CNDP1: variants seen among roughly 807,000 people sequenced by gnomAD.
CNDP1 encodes beta-Ala-His dipeptidase.
A neutral mutation model predicts 58.1 loss-of-function variants in CNDP1; 44 were observed. That is an observed-to-expected ratio of 0.76 (90% CI 0.60 to 0.97). CNDP1 has a LOEUF of 0.97. Among genes scored for constraint, CNDP1 ranks in the 50% least tolerant of loss-of-function variants. The pLI is 0.00. For synonymous variants in CNDP1, 254 were observed against 252.6 expected (o/e 1.01, Z -0.05); for missense variants, 616 against 655.1 (o/e 0.94, Z 0.65).
At chr18:74,584,176 C>T in intron 11 of CNDP1, 1 of 376,868 alleles carries the variant, frequency 2.7e-6, no homozygotes, top group Non-Finnish European at 4.9e-6. Flanking sequence ...CTGGCAGATA[C>T]TACAAGATCT....
intron 1 of CNDP1, among the ~76,000 whole-genome samples, chr18:74,548,488 G>A (rs1980819276): frequency 6.6e-6 from 1 of 152,144 alleles, no homozygotes; most frequent in African/African-American, 2.4e-5. Flanking sequence ...ACAGCCTTCA[G>A]AACCATGAGC....
At chr18:74,577,993 C>A in intron 8 of CNDP1, 170 bp from the exon 9 acceptor site, 1 of 574,326 alleles carries the variant, frequency 1.7e-6, no homozygotes, top group Non-Finnish European at 3.1e-6. Flanking sequence ...CTGAGGACAG[C>A]AGAGAGTTTG....
intron 1 of CNDP1, among the ~76,000 whole-genome samples, chr18:74,548,181 G>A (rs1290910723): frequency 1.3e-5 from 2 of 152,228 alleles, no homozygotes; most frequent in African/African-American, 4.8e-5. Context: ...AATGGGTGAT[G>A]AGAGTTTGGA....
At chr18:74,579,619 G>A (rs1210991201) in intron 9 of CNDP1, among the ~76,000 whole-genome samples, 3 of 152,174 alleles carry the variant, frequency 2.0e-5, no homozygotes, top group Non-Finnish European at 4.4e-5. Context: ...AAAAGAGCAG[G>A]AGGGGAGAGA....
Position 74,536,542 on chromosome 18 carries a change from T to C in CNDP1, c.24+1851T>C, listed in dbSNP as rs140058212. On this transcript the variant is annotated intron_variant, in intron 1 of 11. Transcript: ENST00000358821. ...CACATTTTCTTTACCCAGTCTGTCA[T>C]TGATGGACATTTAGGTTGATTCCAT... Among the ~76,000 whole-genome samples the C allele has an allele frequency of 4.2e-3, 647 of 152,352 alleles. 4 individuals carry two copies. Among genetic ancestry groups the C allele is most frequent in the African/African-American group, 0.015 (621 of 41,576 alleles).
chr18:74,542,291 A>G (rs1327567820), intron 1 of CNDP1, among the ~76,000 whole-genome samples: 1 of 152,214 alleles, frequency 6.6e-6, no homozygotes, highest in East Asian at 1.9e-4. Context: ...CAATTCCTGG[A>G]GGTTGAGGTT....
chr18:74,540,256 C>A (rs1980585406), intron 1 of CNDP1, among the ~76,000 whole-genome samples: 1 of 151,068 alleles, frequency 6.6e-6, no homozygotes, highest in African/African-American at 2.4e-5. Flanking sequence ...TTCCTGGGTT[C>A]AAGCGATTCT....
At chr18:74,561,217 C>A (rs977983262) in intron 4 of CNDP1, among the ~76,000 whole-genome samples, 199 bp downstream of exon 4, 1 of 152,042 alleles carries the variant, frequency 6.6e-6, no homozygotes, top group African/African-American at 2.4e-5. Context: ...GAGTTCAAGA[C>A]CAGCCTGGCC....
chr18:74,583,609 T>C lies in CNDP1; in HGVS notation c.1358T>C (p.Ile453Thr), dbSNP rs770440498. The change falls in exon 11 of 12, where the codon ATT (isoleucine) becomes ACT (threonine). Residue 453 changes from isoleucine (I) to threonine (T), a missense_variant. Transcript: ENST00000358821. ...DMIRDGSTIP[I>T]AKMFQEIVHK... ...ATCCGGGATGGATCCACCATTCCAA[T>C]TGCCAAAATGTTCCAGGAGATCGTC... The C allele has an allele frequency of 1.9e-6, 3 of 1,614,166 alleles. No individual in the cohort carries two copies. Among genetic ancestry groups the C allele is most frequent in the Admixed American group, 3.3e-5 (2 of 60,012 alleles).
chr18:74,586,692 C>T lies in CNDP1; in HGVS notation c.*2130C>T, dbSNP rs910001271. ...CCCTGGATTGCCAGAGTTCAGAGTC[C>T]ATGTTTTTCTGTCACCCAGGGTCAC... is the stretch of plus-strand genomic sequence containing the variant. On this transcript the variant is annotated 3_prime_UTR_variant, in exon 12 of 12. Coordinates refer to ENST00000358821, the MANE Select transcript of CNDP1 (RefSeq NM_032649.6). 3 of 152,074 alleles carry T rather than the reference C, an allele frequency of 2.0e-5. No homozygotes were observed. Among genetic ancestry groups the T allele is most frequent in the African/African-American group, 7.2e-5 (3 of 41,388 alleles). 9.4% of individuals were successfully genotyped at this position (152,074 alleles called of 1,614,324 possible). A position where few individuals can be genotyped will look rare whatever the true frequency, so the allele number is the denominator to read the frequency against.
rs555905988 is a variant in CNDP1 at position 74,583,802 on chromosome 18, A to G, written c.1457+94A>G. On this transcript the variant is annotated intron_variant, in intron 11 of 11. Coordinates refer to ENST00000358821, the MANE Select transcript of CNDP1 (RefSeq NM_032649.6). ...GGTGAGCTCCTGTTCAATTTATGTGAGAATGGAAAATCGTCCAGACTGGGA... is the reference window on the plus strand; with the variant it reads ...GGTGAGCTCCTGTTCAATTTATGTGGGAATGGAAAATCGTCCAGACTGGGA... 44 of 1,252,218 alleles carry G rather than the reference A, an allele frequency of 3.5e-5. No homozygotes were observed. The South Asian group carries it at 5.6e-4, about 16-fold the overall frequency. The allele number at this position is 1,252,218 out of a possible 1,614,324, so 77.6% of individuals were successfully genotyped here.
chr18:74,567,421 C>T lies in CNDP1; in HGVS notation c.744C>T (p.Tyr248=), dbSNP rs768702340. ...CTTACGGAACCCGGGGGAACAGCTA[C>T]TTCATGGTGGAGGTATCCACAGAGA... ...AITYGTRGNS[Y]FMVEVKCRDQ... is the part of the protein sequence containing the mutation. Residue 248 remains tyrosine, a synonymous_variant, in exon 6 of 12, where the codon TAC becomes TAT. Transcript: ENST00000358821. 3.1e-6 allele frequency: 5 copies of T among 1,613,810 alleles called. No individual in the cohort carries two copies. The Admixed American group carries it at 6.7e-5, about 22-fold the overall frequency.
At chr18:74,577,282 GT>G in intron 8 of CNDP1, 2 of 304,942 alleles carry the variant, frequency 6.6e-6, no homozygotes, top group Non-Finnish European at 1.2e-5. Context: ...TCCCAGCCAT[GT>G]TTTCCAAAGC....
chr18:74,582,354 C>CA (rs746275044), intron 10 of CNDP1, among the ~76,000 whole-genome samples: 22 of 152,302 alleles, frequency 1.4e-4, no homozygotes, highest in Admixed American at 3.9e-4. Flanking sequence ...TCACTGGCAG[C>CA]ATGTCCGGTA....
intron 1 of CNDP1, among the ~76,000 whole-genome samples, chr18:74,538,327 T>C (rs1980534133): frequency 6.6e-6 from 1 of 152,230 alleles, no homozygotes; most frequent in South Asian, 2.1e-4. Context: ...TAATGTAATG[T>C]TTTCAAGGTC....
chr18:74,561,875 A>G (rs1981208320), intron 4 of CNDP1, 172 bp from the exon 5 acceptor site: 2 of 563,466 alleles, frequency 3.5e-6, no homozygotes, highest in Non-Finnish European at 6.4e-6. Context: ...TCTTATGTAC[A>G]GTCTTATTTG....
chr18:74,578,332 C>G lies in CNDP1; in HGVS notation c.1167+5C>G, dbSNP rs771212101. 1.9e-6 allele frequency: 3 copies of G among 1,599,042 alleles called. No homozygotes were observed. The African/African-American group carries it at 4.0e-5, about 22-fold the overall frequency. ...GTGTCTGCGGTGGAAAAACAGGTAA[C>G]AAATGCTTATTGTGACAATAACATG... is the stretch of plus-strand genomic sequence containing the variant. On this transcript the variant is annotated splice_donor_5th_base_variant and intron_variant, in intron 9 of 11. Transcript: ENST00000358821.
intron 2 of CNDP1, among the ~76,000 whole-genome samples, chr18:74,558,023 A>G (rs1002323333): frequency 6.6e-6 from 1 of 152,222 alleles, no homozygotes; most frequent in African/African-American, 2.4e-5. Context: ...AATCCACTGA[A>G]CTTATGGAGA....
At chr18:74,561,077 G>C in intron 4 of CNDP1, 59 bp downstream of exon 4, 1 of 1,577,110 alleles carries the variant, frequency 6.3e-7, no homozygotes, top group Non-Finnish European at 8.7e-7. Context: ...TTGAAGGGGT[G>C]AAGATGAGGC....
Sources: gnomAD v4.1 joint callset for allele counts (sites outside exome capture counted in the v4.1 genomes callset) on GRCh38, gnomAD v4.1.1 for gene constraint, MANE v1.5 for transcripts, NCBI Gene and HGNC (gene_info 2026-07-23, HGNC 2026-07-21) for gene names.